Variants in ZNF85 observed in about 807,000 individuals in gnomAD.
The protein encoded by ZNF85 is zinc finger protein 85.
ZNF85 carries 50 observed loss-of-function variants against 53.9 expected under a neutral mutation model. That is an observed-to-expected ratio of 0.93 (90% CI 0.74 to 1.17). ZNF85 has a LOEUF of 1.17. Ranked by LOEUF, ZNF85 falls within the 50% of genes most tolerant of loss-of-function variation. The pLI is 0.00. For missense variants in ZNF85, 747 were observed against 688.5 expected (o/e 1.08, Z -0.95); for synonymous variants, 225 against 226.1 (o/e 1.00, Z 0.04).
chr19:20,926,525 T>C (rs1454671959), intron 1 of ZNF85, among the ~76,000 whole-genome samples: 1 of 151,966 alleles, frequency 6.6e-6, no homozygotes, highest in African/African-American at 2.4e-5. Flanking sequence ...GGAATAAATC[T>C]GACATGGAAA....
At position 20,949,244 on chromosome 19, in the gene ZNF85, A is replaced by G; in HGVS notation, c.730A>G (p.Asn244Asp). ...TGGTAAAGCCTTTAACCAGTCCTCAAACCTTATTAAACATAAGAAAATTCA... is the reference window on the plus strand; with the variant it reads ...TGGTAAAGCCTTTAACCAGTCCTCAGACCTTATTAAACATAAGAAAATTCA... ...ECGKAFNQSS[N>D]LIKHKKIHTG... The change falls in exon 4 of 4, where the codon AAC becomes GAC. Residue 244 changes from asparagine (N) to aspartate (D), a missense_variant. By Grantham distance (23) the Asn-to-Asp change is conservative (BLOSUM62 1). Coordinates refer to ENST00000328178, the MANE Select transcript of ZNF85 (RefSeq NM_003429.5). 6.2e-7 allele frequency: 1 copy of G among 1,612,922 alleles called. No individual in the cohort carries two copies.
rs772265903 is a variant in ZNF85, at chr19:20,949,554, G to A, written c.1040G>A (p.Cys347Tyr). Residue 347 changes from cysteine to tyrosine, a missense_variant, in exon 4 of 4, where the codon TGT becomes TAT. Cys to Tyr is a radical substitution (Grantham distance 194). Coordinates refer to ENST00000328178, the MANE Select transcript of ZNF85 (RefSeq NM_003429.5). ...TGEKPYKCKKCGKAFNQSAHL... is the reference protein window; with the variant it reads ...TGEKPYKCKKYGKAFNQSAHL... The stretch of plus-strand genomic sequence containing the variant: ...GAGAAACCCTACAAATGTAAAAAAT[G>A]TGGAAAAGCCTTTAACCAGTCTGCA... The A allele has an allele frequency of 1.9e-6, 3 of 1,598,476 alleles. No individual in the cohort carries two copies. Among genetic ancestry groups the A allele is most frequent in the Non-Finnish European group, 2.6e-6 (3 of 1,169,110 alleles).
Position 20,950,174 on chromosome 19 carries a change from A to T in ZNF85, c.1660A>T (p.Thr554Ser). The T allele has an allele frequency of 6.2e-7, 1 of 1,613,346 alleles. No homozygotes were observed. Among genetic ancestry groups the T allele is most frequent in the South Asian group, 1.1e-5 (1 of 90,956 alleles). Reference sequence around the variant, plus strand: ...AGCCTTTAACCAGTCCTCAAACCTTACTAAACATAAGAGAATTCATACTGG... The same window carrying T: ...AGCCTTTAACCAGTCCTCAAACCTTTCTAAACATAAGAGAATTCATACTGG... Reference protein sequence around the residue: ...GKAFNQSSNLTKHKRIHTGEK... With the variant: ...GKAFNQSSNLSKHKRIHTGEK... The change falls in exon 4 of 4, where the codon ACT (threonine) becomes TCT (serine). Residue 554 changes from threonine (T) to serine (S), a missense_variant. Coordinates refer to ENST00000328178, the MANE Select transcript of ZNF85 (RefSeq NM_003429.5).
At position 20,949,064 on chromosome 19, in the gene ZNF85, G is replaced by C. The variant is rs11665978; in HGVS notation, c.550G>C (p.Gly184Arg). The C allele has an allele frequency of 0.12, 193,360 of 1,611,308 alleles. 12,104 individuals carry two copies. Among genetic ancestry groups the C allele is most frequent in the Non-Finnish European group, 0.13 (150,807 of 1,178,080 alleles). Residue 184 changes from glycine (G) to arginine (R), a missense_variant, in exon 4 of 4, where the codon GGC (glycine) becomes CGC (arginine). By Grantham distance (125) the Gly-to-Arg change is moderately radical. Transcript: ENST00000328178. ...ATGTACAAAATGTGGCAAATCATTT[G>C]GCATGATTTCATGCCTAACTGAACA... The part of the protein sequence containing the change: ...FKCTKCGKSF[G>R]MISCLTEHSR...
intron 3 of ZNF85, among the ~76,000 whole-genome samples, chr19:20,948,132 T>C (rs905112013): frequency 1.3e-5 from 2 of 152,096 alleles, no homozygotes; most frequent in African/African-American, 4.8e-5. Context: ...TTAGGATGTG[T>C]CTTGTCTGAA....
intron 3 of ZNF85, chr19:20,943,365 A>G (rs1415724703): frequency 6.6e-6 from 1 of 152,274 alleles, no homozygotes; most frequent in African/African-American, 2.4e-5. Flanking sequence ...ACACTCTGTT[A>G]ATTCAGATGA....
In ZNF85 at chr19:20,949,335, C is replaced by A; in HGVS notation, c.821C>A (p.Thr274Asn). The change falls in exon 4 of 4, where the codon ACT becomes AAT. Residue 274 changes from threonine to asparagine, a missense_variant. Transcript: ENST00000328178. ...GKTFNRFSTL[T>N]THKIIHTGEK... ...ACTTTTAACCGATTCTCAACTCTTA[C>A]TACCCATAAGATAATTCATACTGGA... 6.2e-7 allele frequency: 1 copy of A among 1,608,982 alleles called. No homozygotes were observed. Among genetic ancestry groups the A allele is most frequent in the Admixed American group, 1.7e-5 (1 of 59,764 alleles).
intron 3 of ZNF85, among the ~76,000 whole-genome samples, chr19:20,945,011 ATTC>A (rs1180800482): frequency 6.6e-6 from 1 of 152,134 alleles, no homozygotes; most frequent in African/African-American, 2.4e-5. Flanking sequence ...AGTCATAAAA[ATTC>A]TTCTACTTTT....
In ZNF85 at chr19:20,934,133, G is replaced by A. The variant is rs761680506; in HGVS notation, c.113G>A (p.Arg38Lys). The A allele has an allele frequency of 5.6e-6, 9 of 1,612,302 alleles. No homozygotes were observed. In the South Asian group the frequency reaches 6.6e-5, roughly 12 times the overall value. The part of the protein sequence containing the change: ...LYRNVMLENY[R>K]NLVFLGITVS... ...AGAAATGTGATGTTAGAGAACTACA[G>A]AAACCTGGTCTTCCTGGGTGAGGAT... The change falls in exon 2 of 4, where the codon AGA becomes AAA. Residue 38 changes from arginine to lysine, a missense_variant. Arg to Lys is a conservative substitution (Grantham distance 26). Coordinates refer to ENST00000328178, the MANE Select transcript of ZNF85 (RefSeq NM_003429.5).
Position 20,950,358 on chromosome 19 carries a change from A to G in ZNF85, c.*56A>G. On this transcript the variant is annotated 3_prime_UTR_variant, in exon 4 of 4. Transcript: ENST00000328178. ...AGTCTTACTAAACATAAGAAAATTT[A>G]TACTGGAGAGAAACTACTAACCTGA... 7.9e-7 allele frequency: 1 copy of G among 1,261,828 alleles called. No individual in the cohort carries two copies. The highest frequency in any genetic ancestry group is 2.4e-5 in the East Asian group (1 of 40,996). 78.2% of individuals were successfully genotyped at this position (1,261,828 alleles called of 1,614,324 possible). A position where few individuals can be genotyped will look rare whatever the true frequency, so the allele number is the denominator to read the frequency against.
chr19:20,944,699 A>C (rs1346006350), intron 3 of ZNF85, among the ~76,000 whole-genome samples: 1 of 151,246 alleles, frequency 6.6e-6, no homozygotes, highest in Non-Finnish European at 1.5e-5. Context: ...TAAGTTTTAC[A>C]TTTCATGTTT....
At position 20,934,067 on chromosome 19, in the gene ZNF85, A is replaced by G; in HGVS notation, c.47A>G (p.Lys16Arg). Residue 16 changes from lysine to arginine, a missense_variant, in exon 2 of 4, where the codon AAG becomes AGG. Lys to Arg is a conservative substitution (Grantham distance 26, BLOSUM62 2). Transcript: ENST00000328178. The stretch of plus-strand genomic sequence containing the variant: ...GATGTGGCCATAGAATTCTCTCTGA[A>G]GGAGTGGCAATGCCTGGACACTGCA... ...FRDVAIEFSL[K>R]EWQCLDTAQR... is the part of the protein sequence containing the mutation. 1 of 1,612,276 alleles carries G rather than the reference A, an allele frequency of 6.2e-7. No homozygotes were observed. The highest frequency in any genetic ancestry group is 8.5e-7 in the Non-Finnish European group (1 of 1,179,242).
intron 3 of ZNF85, among the ~76,000 whole-genome samples, chr19:20,947,372 G>C (rs1599447943): frequency 6.6e-6 from 1 of 150,948 alleles, no homozygotes; most frequent in South Asian, 2.1e-4. Flanking sequence ...TCTAATTTTG[G>C]ATATGTGCAT....
At chr19:20,925,747 A>G (rs114732562) in intron 1 of ZNF85, among the ~76,000 whole-genome samples, 1,536 of 152,260 alleles carry the variant, frequency 0.01, 21 homozygotes, top group African/African-American at 0.036. Flanking sequence ...CAAGTGATTG[A>G]ACGGCCTGAC....
Position 20,949,004 on chromosome 19 carries a change from C to CAT in ZNF85, c.491_492dup (p.Glu165MetfsTer3), listed in dbSNP as rs1225961603. 6.2e-7 allele frequency: 1 copy of CAT among 1,613,484 alleles called. No individual in the cohort carries two copies. The highest frequency in any genetic ancestry group is 8.5e-7 in the Non-Finnish European group (1 of 1,179,742). On this transcript the variant is annotated frameshift_variant, in exon 4 of 4. Transcript: ENST00000328178. LOFTEE classifies it high-confidence loss of function. ...TCATAAATTTTCAAATTCAAACAGA[C>CAT]ATGAGATAAGACATACTAAAAAGAA... is the stretch of plus-strand genomic sequence containing the variant.
intron 1 of ZNF85, chr19:20,927,133 GA>G (rs35348704): frequency 6.6e-6 from 1 of 152,102 alleles, no homozygotes; most frequent in Middle Eastern, 3.4e-3. Flanking sequence ...GAGCCTGTGG[GA>G]AAAAAATAAA....
In ZNF85 at chr19:20,949,004, C is replaced by T. The variant is rs780163137; in HGVS notation, c.490C>T (p.His164Tyr). The change falls in exon 4 of 4, where the codon CAT becomes TAT. Residue 164 changes from histidine to tyrosine, a missense_variant. Transcript: ENST00000328178. Reference protein sequence around the residue: ...VAHKFSNSNRHEIRHTKKKPF... With the variant: ...VAHKFSNSNRYEIRHTKKKPF... ...TCATAAATTTTCAAATTCAAACAGACATGAGATAAGACATACTAAAAAGAA... is the reference window on the plus strand; with the variant it reads ...TCATAAATTTTCAAATTCAAACAGATATGAGATAAGACATACTAAAAAGAA... 2.5e-6 allele frequency: 4 copies of T among 1,613,602 alleles called. No homozygotes were observed. The Admixed American group carries it at 6.7e-5, about 27-fold the overall frequency.
In ZNF85 at chr19:20,949,376, T is replaced by A. The variant is rs575609163; in HGVS notation, c.862T>A (p.Cys288Ser). 1.9e-6 allele frequency: 3 copies of A among 1,609,540 alleles called. No individual in the cohort carries two copies. The highest frequency in any genetic ancestry group is 2.2e-5 in the South Asian group (2 of 90,702). ...TCATACTGGAGAGAAACCCTACAAATGTAAAGAATGTGGTAAAGCTTTTAA... is the reference window on the plus strand; with the variant it reads ...TCATACTGGAGAGAAACCCTACAAAAGTAAAGAATGTGGTAAAGCTTTTAA... The part of the protein sequence containing the change: ...IIHTGEKPYK[C>S]KECGKAFNRS... Residue 288 changes from cysteine (C) to serine (S), a missense_variant, in exon 4 of 4, where the codon TGT becomes AGT. Coordinates refer to ENST00000328178, the MANE Select transcript of ZNF85 (RefSeq NM_003429.5).
chr19:20,949,147 T>C lies in ZNF85; in HGVS notation c.633T>C (p.Phe211=), dbSNP rs752935286. 9 of 1,613,446 alleles carry C rather than the reference T, an allele frequency of 5.6e-6. No homozygotes were observed. Among genetic ancestry groups the C allele is most frequent in the Non-Finnish European group, 6.8e-6 (8 of 1,179,764 alleles). ...AATGTGAAGAATGTGGAAAAGCCTT[T>C]AACTGGTCCTCAACCCTTACTAAAC... ...FYKCEECGKA[F]NWSSTLTKHK... Residue 211 remains phenylalanine (F), a synonymous_variant, in exon 4 of 4, where the codon TTT becomes TTC. Transcript: ENST00000328178.
Sources: gnomAD v4.1 joint callset for allele counts (sites outside exome capture counted in the v4.1 genomes callset) on GRCh38, gnomAD v4.1.1 for gene constraint, MANE v1.5 for transcripts, NCBI Gene and HGNC (gene_info 2026-07-23, HGNC 2026-07-21) for gene names.